SLC38A8: variants seen among roughly 807,000 people sequenced by gnomAD.
SLC38A8 encodes solute carrier family 38 member 8, also known as amino acid transporter SLC38A8.
SLC38A8 carries 65 observed loss-of-function variants against 46.0 expected under a neutral mutation model. The observed-to-expected ratio is 1.41, with a 90% CI of 1.16 to 1.74. The LOEUF is 1.74. Among genes scored for constraint, SLC38A8 ranks in the 40% most tolerant of loss-of-function variants. The probability of loss-of-function intolerance (pLI) is 0.00; values close to 1 mark genes in which losing one functional copy is unlikely to be tolerated. For missense variants in SLC38A8, 998 were observed against 567.9 expected, an observed-to-expected ratio of 1.76 and a Z score of -7.70; for synonymous variants, 447 against 243.7, an observed-to-expected ratio of 1.83 and a Z score of -7.77.
chr16:84,035,964 G>A (rs1442288667), intron 3 of SLC38A8, among the ~76,000 whole-genome samples: 8 of 152,172 alleles, frequency 5.3e-5, no homozygotes, highest in Non-Finnish European at 1.0e-4. Flanking sequence ...CCAGCACACT[G>A]TACCCAGCAA....
rs200390359 is a variant in SLC38A8, at chr16:84,016,731, G to C, written c.954-4C>G. 3 of 1,610,898 alleles carry C rather than the reference G, an allele frequency of 1.9e-6. No homozygotes were observed. The East Asian group carries it at 6.7e-5, about 36-fold the overall frequency. On this transcript the variant is annotated splice_region_variant and splice_polypyrimidine_tract_variant and intron_variant, in intron 8 of 10. Coordinates refer to ENST00000299709, the MANE Select transcript of SLC38A8 (RefSeq NM_001080442.3). ...CCAGAAGTCCTGCATCACTGACCTGGAGGCCACAGCCAACACAGACACATG... is the reference window on the plus strand; with the variant it reads ...CCAGAAGTCCTGCATCACTGACCTGCAGGCCACAGCCAACACAGACACATG...
chr16:84,042,116 C>T lies in SLC38A8; in HGVS notation c.42G>A (p.Lys14=), dbSNP rs1169492158. Residue 14 remains lysine (K), a synonymous_variant, in exon 2 of 11, where the codon AAG becomes AAA. Coordinates refer to ENST00000299709, the MANE Select transcript of SLC38A8 (RefSeq NM_001080442.3). ...TGGCAGCAGCCGTGGCAGGGTGAGG[C>T]TTTTCTGGAAGGCCCCTGCTTCCTG... is the stretch of plus-strand genomic sequence containing the variant. The part of the protein sequence containing the change: ...QTPGSRGLPE[K]PHPATAAATL... The T allele has an allele frequency of 6.2e-7, 1 of 1,613,590 alleles. No homozygotes were observed. The highest frequency in any genetic ancestry group is 8.5e-7 in the Non-Finnish European group (1 of 1,179,872).
intron 4 of SLC38A8, among the ~76,000 whole-genome samples, chr16:84,032,373 G>A (rs2085251461): frequency 6.6e-6 from 1 of 152,180 alleles, no homozygotes; most frequent in South Asian, 2.1e-4. Flanking sequence ...ACTTTTAGTA[G>A]AGACAGGGTT....
chr16:84,012,183 G>A (rs532208758), intron 10 of SLC38A8, among the ~76,000 whole-genome samples: 2 of 152,172 alleles, frequency 1.3e-5, no homozygotes, highest in African/African-American at 2.4e-5. Context: ...CTCTTTACCT[G>A]CCTCAGCCTC....
chr16:84,028,309 G>C (rs562164747), intron 6 of SLC38A8, among the ~76,000 whole-genome samples: 2 of 152,090 alleles, frequency 1.3e-5, no homozygotes, highest in Admixed American at 6.6e-5. Flanking sequence ...GGCCAGGCAC[G>C]GTGGCTCACG....
rs765508572 is a variant in SLC38A8, at chr16:84,033,386, C to G, written c.472G>C (p.Val158Leu). Residue 158 changes from valine to leucine, a missense_variant, in exon 4 of 11, where the codon GTG (valine) becomes CTG (leucine). Coordinates refer to ENST00000299709, the MANE Select transcript of SLC38A8 (RefSeq NM_001080442.3). ...GCAGACAGGGGCAGGATGACCAGCA[C>G]GGAGAGCAGGGGCAGGGTGAAGCGC... The part of the protein sequence containing the change: ...DQRFTLPLLS[V>L]LVILPLSAPR... The G allele has an allele frequency of 6.2e-7, 1 of 1,613,990 alleles. No individual in the cohort carries two copies.
intron 6 of SLC38A8, among the ~76,000 whole-genome samples, chr16:84,027,712 C>A (rs1016456911): frequency 1.3e-5 from 2 of 152,210 alleles, no homozygotes; most frequent in African/African-American, 4.8e-5. Flanking sequence ...CTTCCCAGCT[C>A]TTCATCTCGG....
At chr16:84,038,494 C>G (rs117699901) in intron 2 of SLC38A8, among the ~76,000 whole-genome samples, 2,092 of 152,288 alleles carry the variant, frequency 0.014, 23 homozygotes, top group Middle Eastern at 0.031. Flanking sequence ...AAGCAAGCTG[C>G]AGATCCCAGT....
Position 84,020,421 on chromosome 16 carries a change from TA to T in SLC38A8, c.805+2353del, listed in dbSNP as rs1597256718. 2.0e-5 allele frequency among the ~76,000 whole-genome samples: 3 copies of T among 152,300 alleles called. No individual in the cohort carries two copies. In the East Asian group the frequency reaches 5.8e-4, roughly 29 times the overall value. ...TCAGCCTCCCAAAAAATGCTGGGAT[TA>T]CAGGCATGAGCCACCACACCTGGCC... is the stretch of plus-strand genomic sequence containing the variant. On this transcript the variant is annotated intron_variant, in intron 7 of 10. Coordinates refer to ENST00000299709, the MANE Select transcript of SLC38A8 (RefSeq NM_001080442.3).
chr16:84,036,019 A>G (rs1420491596), intron 3 of SLC38A8, among the ~76,000 whole-genome samples: 1 of 152,246 alleles, frequency 6.6e-6, no homozygotes, highest in East Asian at 1.9e-4. Context: ...GTGTTCTCCA[A>G]GACAGACCAT....
intron 6 of SLC38A8, among the ~76,000 whole-genome samples, chr16:84,026,496 G>C (rs543303289): frequency 3.9e-5 from 6 of 152,302 alleles, no homozygotes; most frequent in Non-Finnish European, 7.3e-5. Context: ...TAAATTCCTG[G>C]GGTTACAGGC....
chr16:84,031,033 C>A (rs955872097), intron 5 of SLC38A8, among the ~76,000 whole-genome samples: 3 of 152,098 alleles, frequency 2.0e-5, no homozygotes, highest in African/African-American at 7.2e-5. Flanking sequence ...AAAGGGTGAG[C>A]CTTTTTATTA....
chr16:84,033,175 C>G (rs2085264529), intron 4 of SLC38A8, among the ~76,000 whole-genome samples, 153 bp downstream of exon 4: 1 of 152,180 alleles, frequency 6.6e-6, no homozygotes, highest in Non-Finnish European at 1.5e-5. Flanking sequence ...TTGCATCATG[C>G]ATACATTTTA....
chr16:84,030,147 G>C (rs560148251), intron 5 of SLC38A8, among the ~76,000 whole-genome samples: 1 of 152,278 alleles, frequency 6.6e-6, no homozygotes, highest in African/African-American at 2.4e-5. Flanking sequence ...AGAGAACATG[G>C]TGTGAGGATG....
At chr16:84,010,534 G>A (rs538315752) in intron 10 of SLC38A8, among the ~76,000 whole-genome samples, 231 of 152,020 alleles carry the variant, frequency 1.5e-3, no homozygotes, top group African/African-American at 5.3e-3. Context: ...CTGAGGTCAT[G>A]AATTCAAGAC....
chr16:84,025,594 A>G (rs562843843), intron 6 of SLC38A8, among the ~76,000 whole-genome samples: 28 of 152,180 alleles, frequency 1.8e-4, no homozygotes, highest in African/African-American at 6.0e-4. Context: ...AATAAACACT[A>G]CAGGGCTTAC....
At chr16:84,024,048 G>T (rs1185640471) in intron 6 of SLC38A8, among the ~76,000 whole-genome samples, 1 of 152,244 alleles carries the variant, frequency 6.6e-6, no homozygotes, top group Non-Finnish European at 1.5e-5. Flanking sequence ...TGTGTTTGGG[G>T]TGGGGGTGTT....
At chr16:84,025,893 G>A (rs1274864704) in intron 6 of SLC38A8, among the ~76,000 whole-genome samples, 1 of 152,204 alleles carries the variant, frequency 6.6e-6, no homozygotes, top group Non-Finnish European at 1.5e-5. Flanking sequence ...CTACAGGAGG[G>A]CTCTGCCAGC....
intron 8 of SLC38A8, 162 bp from the exon 9 acceptor site, chr16:84,016,889 T>C (rs2085033448): frequency 9.9e-7 from 1 of 1,009,434 alleles, no homozygotes; most frequent in South Asian, 1.7e-5. Context: ...CCTCAGGGGT[T>C]CTGCCACCAT....
Sources: allele counts gnomAD v4.1 joint callset (sites outside exome capture counted in the v4.1 genomes callset), GRCh38; gene constraint gnomAD v4.1.1; transcripts MANE v1.5; gene names NCBI Gene and HGNC (gene_info 2026-07-23, HGNC 2026-07-21).